The following EEPD1 variants were observed in gnomAD, a reference collection of about 807,000 sequenced individuals.
EEPD1 encodes the protein endonuclease/exonuclease/phosphatase family domain containing 1, also known as endonuclease/exonuclease/phosphatase family domain-containing protein 1.
EEPD1 carries 17 observed loss-of-function variants against 46.3 expected under a neutral mutation model. That is an observed-to-expected ratio of 0.37 (90% confidence interval 0.25 to 0.55). The LOEUF is 0.55. Ranked by LOEUF, EEPD1 falls within the 20% of genes least tolerant of loss-of-function variation. EEPD1 has a pLI of 0.83. For missense variants in EEPD1, 673 were observed against 745.6 expected (o/e 0.90, Z 1.13); for synonymous variants, 313 against 315.6 (o/e 0.99, Z 0.09).
intron 3 of EEPD1, among the ~76,000 whole-genome samples, chr7:36,244,789 TGGAGACGGAGTC>T (rs1786610231): frequency 1.8e-5 from 2 of 113,654 alleles, no homozygotes; most frequent in Admixed American, 9.5e-5. Context: ...TTTTTTTTTT[TGGAGACGGAGTC>T]TTGCCCTGTT....
intron 3 of EEPD1, among the ~76,000 whole-genome samples, chr7:36,269,672 G>A (rs538141942): frequency 4.0e-4 from 61 of 152,318 alleles, no homozygotes; most frequent in African/African-American, 1.5e-3. Flanking sequence ...CATGCGGAAG[G>A]ATCGCCTGAA....
rs775572213 is a variant in EEPD1 at position 36,154,967 on chromosome 7, G to A, written c.643G>A (p.Ala215Thr). ...CACGAACGGGGGACTGACCTTCACCGCCAAGCCTCACCCGAGCCCCACTTC... is the reference window on the plus strand; with the variant it reads ...CACGAACGGGGGACTGACCTTCACCACCAAGCCTCACCCGAGCCCCACTTC... ...THTNGGLTFT[A>T]KPHPSPTSLS... Residue 215 changes from alanine (A) to threonine (T), a missense_variant, in exon 2 of 8, where the codon GCC (alanine) becomes ACC (threonine). Transcript: ENST00000242108. This position sits in a 1 kb window ranked among gnomAD's most constrained non-coding sequence, Gnocchi z 4.2. The A allele has an allele frequency of 1.4e-5, 22 of 1,613,766 alleles. No individual in the cohort carries two copies. The highest frequency in any genetic ancestry group is 1.9e-5 in the Non-Finnish European group (22 of 1,179,940).
intron 2 of EEPD1, among the ~76,000 whole-genome samples, chr7:36,208,503 G>A (rs1785865287): frequency 6.6e-6 from 1 of 152,222 alleles, no homozygotes; most frequent in South Asian, 2.1e-4. Flanking sequence ...GTGTGGTGGA[G>A]AGTGGTTTAA....
chr7:36,276,772 C>A (rs1386882066), intron 3 of EEPD1, among the ~76,000 whole-genome samples: 1 of 152,170 alleles, frequency 6.6e-6, no homozygotes, highest in Non-Finnish European at 1.5e-5. Context: ...AAGAACCAGA[C>A]TCAGGCAATC....
intron 3 of EEPD1, among the ~76,000 whole-genome samples, chr7:36,277,532 G>T (rs771172748): frequency 6.6e-6 from 1 of 152,290 alleles, no homozygotes; most frequent in African/African-American, 2.4e-5. Flanking sequence ...TGCATTTCTG[G>T]CAGGCTCCCA....
rs781525186 is a variant in EEPD1 at position 36,158,039 on chromosome 7, C to A, written c.878+2837C>A. 5.0e-4 allele frequency among the ~76,000 whole-genome samples: 76 copies of A among 152,284 alleles called. 1 individual carries two copies. Among genetic ancestry groups the A allele is most frequent in the Admixed American group, 3.3e-4 (5 of 15,296 alleles). Reference sequence around the variant, plus strand: ...AAGAGTTTCCTAACTTTTGGGTATGCCTTCGTGCTTTCTAACAGCTTTCCC... The same window carrying A: ...AAGAGTTTCCTAACTTTTGGGTATGACTTCGTGCTTTCTAACAGCTTTCCC... On this transcript the variant is annotated intron_variant, in intron 2 of 7. Transcript: ENST00000242108.
At chr7:36,264,923 A>AC (rs1562706391) in intron 3 of EEPD1, among the ~76,000 whole-genome samples, 1 of 152,166 alleles carries the variant, frequency 6.6e-6, no homozygotes, top group East Asian at 1.9e-4. Flanking sequence ...AAAAAAAAAA[A>AC]AACAAAAATC....
intron 3 of EEPD1, among the ~76,000 whole-genome samples, chr7:36,264,224 A>C (rs2115835908): frequency 6.6e-6 from 1 of 152,318 alleles, no homozygotes; most frequent in East Asian, 1.9e-4. Flanking sequence ...TACCAGAGTA[A>C]TCCTTCAGAA....
chr7:36,181,185 G>A (rs902360847), intron 2 of EEPD1, among the ~76,000 whole-genome samples: 3 of 152,066 alleles, frequency 2.0e-5, no homozygotes, highest in South Asian at 4.1e-4. Flanking sequence ...TCCTATCCAC[G>A]CGCTGTCTAC....
intron 3 of EEPD1, among the ~76,000 whole-genome samples, chr7:36,241,065 TGTGTAAAGGG>T (rs1786547251): frequency 6.6e-6 from 1 of 152,228 alleles, no homozygotes; most frequent in African/African-American, 2.4e-5. Flanking sequence ...TTGATCCTTC[TGTGTAAAGGG>T]GTATGTGAGT....
At chr7:36,280,069 G>T (rs983055455) in intron 3 of EEPD1, among the ~76,000 whole-genome samples, 1 of 152,190 alleles carries the variant, frequency 6.6e-6, no homozygotes, top group African/African-American at 2.4e-5. Context: ...CGAGCAGCGG[G>T]AAGGATGGAA....
chr7:36,296,286 A>G (rs1024408855), intron 6 of EEPD1, among the ~76,000 whole-genome samples: 1 of 152,086 alleles, frequency 6.6e-6, no homozygotes, highest in African/African-American at 2.4e-5. Context: ...GCTGCTGCTT[A>G]TATCTCCAAC....
At chr7:36,158,036 A>T (rs1260787917) in intron 2 of EEPD1, among the ~76,000 whole-genome samples, 1 of 152,200 alleles carries the variant, frequency 6.6e-6, no homozygotes, top group Non-Finnish European at 1.5e-5. Context: ...ACTTTTGGGT[A>T]TGCCTTCGTG....
intron 2 of EEPD1, among the ~76,000 whole-genome samples, chr7:36,233,775 A>G (rs1786378036): frequency 6.6e-6 from 1 of 152,208 alleles, no homozygotes; most frequent in Admixed American, 6.5e-5. Flanking sequence ...CAAGCCAGAG[A>G]AACAACAAAC....
chr7:36,229,751 C>T (rs957607661), intron 2 of EEPD1, among the ~76,000 whole-genome samples: 1 of 152,112 alleles, frequency 6.6e-6, no homozygotes, highest in East Asian at 1.9e-4. Flanking sequence ...CCGTGTTCTC[C>T]GGGTTTCCCT....
rs375119165 is a variant in EEPD1, at chr7:36,301,017, A to G, written c.*1811A>G. The G allele has an allele frequency of 9.2e-5, 14 of 152,360 alleles. No homozygotes were observed. In the East Asian group the frequency reaches 2.5e-3, roughly 27 times the overall value. The allele number at this position is 152,360 out of a possible 1,614,324, so 9.4% of individuals were successfully genotyped here. Reference sequence around the variant, plus strand: ...CTCATCTAAAGGTGAAACCTCCCCTACATTCACCAGCCGGATGTCCCAAAT... The same window carrying G: ...CTCATCTAAAGGTGAAACCTCCCCTGCATTCACCAGCCGGATGTCCCAAAT... On this transcript the variant is annotated 3_prime_UTR_variant, in exon 8 of 8. Coordinates refer to ENST00000242108, the MANE Select transcript of EEPD1 (RefSeq NM_030636.3).
chr7:36,236,612 G>A (rs1254468876), intron 2 of EEPD1, among the ~76,000 whole-genome samples: 2 of 152,212 alleles, frequency 1.3e-5, no homozygotes, highest in Admixed American at 1.3e-4. Context: ...CTGAGAGGTG[G>A]GGACTTGGAG....
intron 2 of EEPD1, among the ~76,000 whole-genome samples, chr7:36,171,434 C>T (rs11762552): frequency 0.084 from 12,778 of 152,214 alleles, 562 homozygotes; most frequent in African/African-American, 0.1. Flanking sequence ...CAAAACAACT[C>T]CAGCAGTAAG....
intron 2 of EEPD1, among the ~76,000 whole-genome samples, chr7:36,219,439 C>T (rs577806808): frequency 6.1e-4 from 92 of 150,378 alleles, no homozygotes; most frequent in Non-Finnish European, 1.3e-4. Context: ...TTTGGGAGGC[C>T]GAGGCAAGAG....
Sources: gnomAD v4.1 joint callset for allele counts (sites outside exome capture counted in the v4.1 genomes callset) on GRCh38, gnomAD v4.1.1 for gene constraint, Gnocchi (gnomAD v3.1) non-coding constraint, MANE v1.5 for transcripts, NCBI Gene and HGNC (gene_info 2026-07-23, HGNC 2026-07-21) for gene names.